The following RFTN1 variants were observed in gnomAD, a reference collection of about 807,000 sequenced individuals.
The protein encoded by RFTN1 is raftlin, lipid raft linker 1, also known as raftlin.
In RFTN1, 26 loss-of-function variants were observed where a neutral mutation model predicts 46.5. The observed-to-expected ratio is 0.56, with a 90% confidence interval of 0.41 to 0.78. RFTN1 has a LOEUF of 0.78. Ranked by LOEUF, RFTN1 falls within the 30% of genes least tolerant of loss-of-function variation. The pLI is 0.00. For missense variants in RFTN1, 693 were observed against 718.7 expected (o/e 0.96, Z 0.41); for synonymous variants, 261 against 284.2 (o/e 0.92, Z 0.82).
At chr3:16,362,251 T>G (rs2125341550) in intron 6 of RFTN1, among the ~76,000 whole-genome samples, 1 of 152,330 alleles carries the variant, frequency 6.6e-6, no homozygotes, top group Non-Finnish European at 1.5e-5. Flanking sequence ...CTCCAACTTC[T>G]TGTTTCCCAT....
rs1170514104 is a variant in RFTN1 at position 16,448,268 on chromosome 3, T to C, written c.146-14231A>G. Among the ~76,000 whole-genome samples the C allele has an allele frequency of 6.6e-6, 1 of 152,234 alleles. No homozygotes were observed. The highest frequency in any genetic ancestry group is 1.5e-5 in the Non-Finnish European group (1 of 68,034). On this transcript the variant is annotated intron_variant, in intron 2 of 9. Transcript: ENST00000334133. This position sits in a 1 kb window ranked among gnomAD's most constrained non-coding sequence, Gnocchi z 4.1. ...TTTAATGTGGTTACTAGAAAATTTTTCAATGGCATTCACAAGTCATATTGT... is the reference window on the plus strand; with the variant it reads ...TTTAATGTGGTTACTAGAAAATTTTCCAATGGCATTCACAAGTCATATTGT...
Position 16,452,852 on chromosome 3 carries a change from T to C in RFTN1, c.146-18815A>G, listed in dbSNP as rs369446825. 3.9e-5 allele frequency among the ~76,000 whole-genome samples: 6 copies of C among 152,356 alleles called. No homozygotes were observed. The highest frequency in any genetic ancestry group is 2.1e-4 in the South Asian group (1 of 4,832). On this transcript the variant is annotated intron_variant, in intron 2 of 9. Transcript: ENST00000334133. The surrounding 1 kb of genome is among the most constrained non-coding windows in gnomAD (Gnocchi z 6.3). Reference sequence around the variant, plus strand: ...CCCTATCAAGTTCTTTTGCACTTAGTGTTTCAGAATTTAAATGCTGCTTTT... The same window carrying C: ...CCCTATCAAGTTCTTTTGCACTTAGCGTTTCAGAATTTAAATGCTGCTTTT...
Position 16,483,672 on chromosome 3 carries a change from T to C in RFTN1, c.145+10053A>G, listed in dbSNP as rs2076403302. 6.6e-6 allele frequency among the ~76,000 whole-genome samples: 1 copy of C among 152,094 alleles called. No homozygotes were observed. Among genetic ancestry groups the C allele is most frequent in the Non-Finnish European group, 1.5e-5 (1 of 68,028 alleles). ...TAAGTTATGATTTGGTCATAATACA[T>C]AGGTAGGTAAGTAAACATTTGTTGA... On this transcript the variant is annotated intron_variant, in intron 2 of 9. Coordinates refer to ENST00000334133, the MANE Select transcript of RFTN1 (RefSeq NM_015150.2). This position sits in a 1 kb window ranked among gnomAD's most constrained non-coding sequence, Gnocchi z 4.8.
chr3:16,355,917 TAC>T (rs2072402692), intron 7 of RFTN1, among the ~76,000 whole-genome samples: 1 of 152,238 alleles, frequency 6.6e-6, no homozygotes, highest in South Asian at 2.1e-4. Flanking sequence ...CATTTTAATA[TAC>T]AGACAGCAGG....
intron 6 of RFTN1, among the ~76,000 whole-genome samples, chr3:16,360,172 T>C (rs1340619056): frequency 6.6e-6 from 1 of 151,842 alleles, no homozygotes; most frequent in Non-Finnish European, 1.5e-5. Flanking sequence ...AAATTGCAGT[T>C]TCTTTTTTTT....
chr3:16,492,624 G>A (rs904648859), intron 2 of RFTN1, among the ~76,000 whole-genome samples: 14 of 152,194 alleles, frequency 9.2e-5, no homozygotes, highest in African/African-American at 3.4e-4. Context: ...GGGAGAAAAT[G>A]TGTTCAGATG....
In RFTN1 at chr3:16,329,372, A is replaced by T. The variant is rs1473429779; in HGVS notation, c.1147-2496T>A. ...GGGAAAGGGAAAGAGGAAACTTAAT[A>T]AAGGAAGGCGGAAGGGAGGAGGGAA... On this transcript the variant is annotated intron_variant, in intron 7 of 9. Coordinates refer to ENST00000334133, the MANE Select transcript of RFTN1 (RefSeq NM_015150.2). The surrounding 1 kb of genome is among the most constrained non-coding windows in gnomAD (Gnocchi z 4.5). Among the ~76,000 whole-genome samples the T allele has an allele frequency of 6.6e-6, 1 of 152,126 alleles. No individual in the cohort carries two copies. The highest frequency in any genetic ancestry group is 1.5e-5 in the Non-Finnish European group (1 of 68,012).
At chr3:16,355,522 T>C (rs1396164978) in intron 7 of RFTN1, among the ~76,000 whole-genome samples, 1 of 152,222 alleles carries the variant, frequency 6.6e-6, no homozygotes, top group Non-Finnish European at 1.5e-5. Flanking sequence ...GCAGCCTCTC[T>C]TCTAAGGGCA....
At chr3:16,354,488 A>C (rs1019429945) in intron 7 of RFTN1, among the ~76,000 whole-genome samples, 2 of 152,162 alleles carry the variant, frequency 1.3e-5, no homozygotes, top group Non-Finnish European at 2.9e-5. Context: ...TGCCCAAGTC[A>C]CCTCCTTTGA....
In RFTN1 at chr3:16,458,395, G is replaced by C. The variant is rs1312025695; in HGVS notation, c.146-24358C>G. Among the ~76,000 whole-genome samples the C allele has an allele frequency of 1.3e-5, 2 of 152,176 alleles. No individual in the cohort carries two copies. Among genetic ancestry groups the C allele is most frequent in the Non-Finnish European group, 2.9e-5 (2 of 68,030 alleles). On this transcript the variant is annotated intron_variant, in intron 2 of 9. Transcript: ENST00000334133. This position sits in a 1 kb window ranked among gnomAD's most constrained non-coding sequence, Gnocchi z 5.1. ...GCTATGCCCAGGATACAGCAGAAAG[G>C]AAAAGGAAAAGTGTTTCTCTCACTG...
chr3:16,352,408 C>T lies in RFTN1; in HGVS notation c.1146+5524G>A. Among the ~76,000 whole-genome samples the T allele has an allele frequency of 6.6e-6, 1 of 152,158 alleles. No individual in the cohort carries two copies. The highest frequency in any genetic ancestry group is 1.9e-4 in the East Asian group (1 of 5,198). ...TACCTATTCATCTATGTAGTTTTTT[C>T]CTTTCCTTTCCAAGAATTACCCTTT... On this transcript the variant is annotated intron_variant, in intron 7 of 9. Coordinates refer to ENST00000334133, the MANE Select transcript of RFTN1 (RefSeq NM_015150.2). The surrounding 1 kb of genome is among the most constrained non-coding windows in gnomAD (Gnocchi z 4.6).
intron 4 of RFTN1, among the ~76,000 whole-genome samples, chr3:16,389,057 T>A (rs1243228600): frequency 6.6e-6 from 1 of 152,224 alleles, no homozygotes; most frequent in Non-Finnish European, 1.5e-5. Context: ...ATGTTTCTCT[T>A]CACACCACAC....
rs149939395 is a variant in RFTN1 at position 16,424,941 on chromosome 3, C to CA, written c.332+8909dup. Reference sequence around the variant, plus strand: ...TATCTTTTTCAGCTTGAAAAACACACAAAAAAAATCTAAGTTACTTCTGAT... The same window carrying CA: ...TATCTTTTTCAGCTTGAAAAACACACAAAAAAAAATCTAAGTTACTTCTGAT... On this transcript the variant is annotated intron_variant, in intron 3 of 9. Transcript: ENST00000334133. This position sits in a 1 kb window ranked among gnomAD's most constrained non-coding sequence, Gnocchi z 4.7. Among the ~76,000 whole-genome samples, 27,421 of 148,604 alleles carry CA rather than the reference C, an allele frequency of 0.18. 2,610 individuals are homozygous for CA. Among genetic ancestry groups the CA allele is most frequent in the Admixed American group, 0.23 (3,513 of 14,954 alleles).
intron 1 of RFTN1, among the ~76,000 whole-genome samples, chr3:16,510,726 C>T (rs2076884729): frequency 6.6e-6 from 1 of 152,198 alleles, no homozygotes; most frequent in African/African-American, 2.4e-5. Flanking sequence ...AGTTTCTTTT[C>T]AGGTTTCCAT....
In RFTN1 at chr3:16,499,057, T is replaced by G. The variant is rs897676689; in HGVS notation, c.-8-5180A>C. Among the ~76,000 whole-genome samples the G allele has an allele frequency of 6.6e-6, 1 of 152,190 alleles. No homozygotes were observed. Among genetic ancestry groups the G allele is most frequent in the South Asian group, 2.1e-4 (1 of 4,828 alleles). On this transcript the variant is annotated intron_variant, in intron 1 of 9. Transcript: ENST00000334133. This position sits in a 1 kb window ranked among gnomAD's most constrained non-coding sequence, Gnocchi z 4.9. ...GCAGAGGAAAAGGTCTAAGGAATAG[T>G]ACTGTCAGATGCAGACAGAAGACAC...
intron 7 of RFTN1, among the ~76,000 whole-genome samples, chr3:16,347,252 C>T (rs932548919): frequency 1.5e-4 from 23 of 152,286 alleles, no homozygotes; most frequent in African/African-American, 5.5e-4. Context: ...CAAGGACACC[C>T]TACAGGGCAA....
chr3:16,375,666 T>C (rs1386359727), intron 5 of RFTN1, among the ~76,000 whole-genome samples: 1 of 152,168 alleles, frequency 6.6e-6, no homozygotes. Flanking sequence ...GGGACTGCTT[T>C]ATGTGTAGAG....
intron 2 of RFTN1, among the ~76,000 whole-genome samples, chr3:16,461,943 T>C (rs2076014422): frequency 6.6e-6 from 1 of 152,232 alleles, no homozygotes. Flanking sequence ...GGTTTTCTTT[T>C]CTGACAAAAA....
At chr3:16,419,740 A>G (rs2075150766) in intron 3 of RFTN1, among the ~76,000 whole-genome samples, 1 of 152,198 alleles carries the variant, frequency 6.6e-6, no homozygotes, top group African/African-American at 2.4e-5. Context: ...TCTTTAAATA[A>G]AGCACCTCAG....
Sources: gnomAD v4.1 joint callset for allele counts (sites outside exome capture counted in the v4.1 genomes callset) on GRCh38, gnomAD v4.1.1 for gene constraint, Gnocchi (gnomAD v3.1) non-coding constraint, MANE v1.5 for transcripts, NCBI Gene and HGNC (gene_info 2026-07-23, HGNC 2026-07-21) for gene names.